Variants in CAB39 observed in about 807,000 individuals in gnomAD.
CAB39 encodes the protein calcium binding protein 39.
Under a neutral mutation model 40.0 loss-of-function variants are expected in CAB39, and 8 were observed. The observed-to-expected ratio is 0.20, with a 90% CI of 0.12 to 0.36. CAB39 has a LOEUF of 0.36. Ranked by LOEUF, CAB39 falls within the 10% of genes least tolerant of loss-of-function variation. The probability of loss-of-function intolerance (pLI) is 1.00; values close to 1 mark genes in which losing one functional copy is unlikely to be tolerated. For synonymous variants in CAB39, 156 were observed against 141.6 expected (o/e 1.10, Z -0.72); for missense variants, 270 against 401.1 (o/e 0.67, Z 2.79).
intron 3 of CAB39, among the ~76,000 whole-genome samples, chr2:230,792,255 C>T (rs1374241776): frequency 1.3e-5 from 2 of 152,220 alleles, no homozygotes; most frequent in Admixed American, 6.5e-5. Context: ...AGTGGAACAT[C>T]TAGGTTCCTT....
chr2:230,757,506 A>G (rs557133962), intron 1 of CAB39, among the ~76,000 whole-genome samples: 185 of 152,270 alleles, frequency 1.2e-3, no homozygotes, highest in Middle Eastern at 3.4e-3. Flanking sequence ...TTGCCCACAC[A>G]GAAGTATTTT....
rs957668748 is a variant in CAB39 at position 230,802,952 on chromosome 2, C to CA, written c.567+4064dup. ...ATACCAAAGCCTGGTAGAGACACAA[C>CA]AAAAAAAAACTTTAGACCAATATCC... On this transcript the variant is annotated intron_variant, in intron 5 of 8. Coordinates refer to ENST00000258418, the MANE Select transcript of CAB39 (RefSeq NM_016289.4). Among the ~76,000 whole-genome samples the CA allele has an allele frequency of 2.6e-5, 4 of 151,234 alleles. No individual in the cohort carries two copies. The South Asian group carries it at 6.3e-4, about 24-fold the overall frequency.
At chr2:230,737,996 C>A (rs1288167938) in intron 1 of CAB39, among the ~76,000 whole-genome samples, 1 of 152,144 alleles carries the variant, frequency 6.6e-6, no homozygotes, top group African/African-American at 2.4e-5. Context: ...ACTTTATTAC[C>A]CATCAGAGCT....
chr2:230,797,909 G>C (rs1270741534), intron 4 of CAB39, among the ~76,000 whole-genome samples: 1 of 152,200 alleles, frequency 6.6e-6, no homozygotes, highest in African/African-American at 2.4e-5. Flanking sequence ...ATGACTAGAG[G>C]AGAATGTGAG....
At chr2:230,735,986 G>T (rs548582600) in intron 1 of CAB39, among the ~76,000 whole-genome samples, 3 of 152,168 alleles carry the variant, frequency 2.0e-5, no homozygotes, top group African/African-American at 7.2e-5. Context: ...CTGCATAGGG[G>T]CTCTTTGAGA....
chr2:230,724,804 A>G (rs1436541203), intron 1 of CAB39, among the ~76,000 whole-genome samples: 1 of 136,638 alleles, frequency 7.3e-6, no homozygotes, highest in Non-Finnish European at 1.5e-5. Flanking sequence ...AAAAAACTTT[A>G]CAAGGACAGT....
chr2:230,735,932 C>G (rs550612387), intron 1 of CAB39, among the ~76,000 whole-genome samples: 36 of 152,168 alleles, frequency 2.4e-4, no homozygotes, highest in Non-Finnish European at 4.7e-4. Context: ...TTCATCTTTA[C>G]TTACCAGAAA....
At chr2:230,787,223 A>G (rs753668197) in intron 2 of CAB39, among the ~76,000 whole-genome samples, 4 of 152,234 alleles carry the variant, frequency 2.6e-5, no homozygotes, top group Non-Finnish European at 4.4e-5. Context: ...AGTTGCATAT[A>G]TACATGACTG....
chr2:230,780,316 A>G (rs1695665229), intron 2 of CAB39, among the ~76,000 whole-genome samples: 1 of 152,234 alleles, frequency 6.6e-6, no homozygotes, highest in South Asian at 2.1e-4. Flanking sequence ...AACGTCTTTT[A>G]TAACCACAGG....
chr2:230,765,135 C>T (rs1695363029), intron 2 of CAB39, among the ~76,000 whole-genome samples: 1 of 152,092 alleles, frequency 6.6e-6, no homozygotes, highest in Non-Finnish European at 1.5e-5. Flanking sequence ...TACAGGCGTG[C>T]ACCACCATAC....
At chr2:230,806,069 C>A (rs1392243742) in intron 5 of CAB39, among the ~76,000 whole-genome samples, 1 of 152,098 alleles carries the variant, frequency 6.6e-6, no homozygotes, top group Non-Finnish European at 1.5e-5. Context: ...GAGGACCCAG[C>A]TGTATAAAAT....
intron 1 of CAB39, among the ~76,000 whole-genome samples, chr2:230,716,319 C>T (rs1694349069): frequency 6.6e-6 from 1 of 152,132 alleles, no homozygotes; most frequent in African/African-American, 2.4e-5. Context: ...CTAAAGTTTT[C>T]TGTTTTGATC....
chr2:230,721,088 A>G (rs1457384822), intron 1 of CAB39, among the ~76,000 whole-genome samples: 1 of 152,160 alleles, frequency 6.6e-6, no homozygotes, highest in Non-Finnish European at 1.5e-5. Context: ...AGAGTATAAT[A>G]ATACGTTCTT....
intron 4 of CAB39, among the ~76,000 whole-genome samples, chr2:230,796,164 G>A (rs554116783): frequency 4.6e-5 from 7 of 152,292 alleles, no homozygotes; most frequent in African/African-American, 1.7e-4. Flanking sequence ...TCTTGAAGGA[G>A]CGCTGTGAAC....
intron 2 of CAB39, among the ~76,000 whole-genome samples, chr2:230,766,561 G>A (rs1464287310): frequency 6.6e-6 from 1 of 152,142 alleles, no homozygotes; most frequent in East Asian, 1.9e-4. Flanking sequence ...CTTGGGACAG[G>A]GTCTCACTCT....
At chr2:230,743,568 T>G (rs568107972) in intron 1 of CAB39, among the ~76,000 whole-genome samples, 58 of 152,362 alleles carry the variant, frequency 3.8e-4, no homozygotes, top group Middle Eastern at 3.4e-3. Context: ...ATAGAAAATT[T>G]AAACATAAGG....
At chr2:230,730,539 G>A (rs563978776) in intron 1 of CAB39, among the ~76,000 whole-genome samples, 1 of 151,696 alleles carries the variant, frequency 6.6e-6, no homozygotes, top group Non-Finnish European at 1.5e-5. Flanking sequence ...CCGCCTCCTG[G>A]GTTCAAGTGA....
At position 230,714,164 on chromosome 2, in the gene CAB39, A is replaced by G. The variant is rs544565613; in HGVS notation, c.-44+934A>G. On this transcript the variant is annotated intron_variant, in intron 1 of 8. Transcript: ENST00000258418. ...GCGGGGGGTATTGGGCTAAAGAGGTATTTTGGGGCCAGATCCTTGAATGCT... is the reference window on the plus strand; with the variant it reads ...GCGGGGGGTATTGGGCTAAAGAGGTGTTTTGGGGCCAGATCCTTGAATGCT... The G allele has an allele frequency of 3.3e-5, 5 of 152,238 alleles. No individual in the cohort carries two copies. In the East Asian group the frequency reaches 5.8e-4, roughly 18 times the overall value. 9.4% of individuals were successfully genotyped at this position (152,238 alleles called of 1,614,324 possible). A position where few individuals can be genotyped will look rare whatever the true frequency, so the allele number is the denominator to read the frequency against.
At chr2:230,719,900 C>G (rs1694415769) in intron 1 of CAB39, among the ~76,000 whole-genome samples, 1 of 152,208 alleles carries the variant, frequency 6.6e-6, no homozygotes, top group African/African-American at 2.4e-5. Flanking sequence ...TGGCATGTGA[C>G]TGTGCTTTAA....
Sources: gnomAD v4.1 joint callset for allele counts (sites outside exome capture counted in the v4.1 genomes callset) on GRCh38, gnomAD v4.1.1 for gene constraint, MANE v1.5 for transcripts, NCBI Gene and HGNC (gene_info 2026-07-23, HGNC 2026-07-21) for gene names.